Variants in WDR25 observed in about 807,000 individuals in gnomAD.
WDR25 encodes WD repeat-containing protein 25.
A neutral mutation model predicts 47.7 loss-of-function variants in WDR25; 35 were observed. The observed-to-expected ratio is 0.73, with a 90% CI of 0.56 to 0.97. WDR25 has a LOEUF of 0.97. Among genes scored for constraint, WDR25 ranks in the 50% least tolerant of loss-of-function variants. The pLI is 0.00. For synonymous variants in WDR25, 248 were observed against 278.9 expected, an observed-to-expected ratio of 0.89 and a Z score of 1.10; for missense variants, 634 against 704.7, an observed-to-expected ratio of 0.90 and a Z score of 1.14.
At position 100,468,189 on chromosome 14, in the gene WDR25, C is replaced by T; in HGVS notation, c.970+21C>T. 6.2e-7 allele frequency: 1 copy of T among 1,602,222 alleles called. No homozygotes were observed. Among genetic ancestry groups the T allele is most frequent in the Non-Finnish European group, 8.5e-7 (1 of 1,173,088 alleles). ...AACAGGTGCGTTTCTTGTGTCACCT[C>T]CCTGAGGTGAGCTGGCAGCTCTCTC... On this transcript the variant is annotated intron_variant, in intron 3 of 6. Coordinates refer to ENST00000402312, the MANE Select transcript of WDR25 (RefSeq NM_001161476.3). This position sits in a 1 kb window ranked among gnomAD's most constrained non-coding sequence, Gnocchi z 4.5.
intron 2 of WDR25, among the ~76,000 whole-genome samples, chr14:100,403,934 A>G (rs1475521501): frequency 6.6e-6 from 1 of 152,228 alleles, no homozygotes; most frequent in Non-Finnish European, 1.5e-5. Context: ...ACTGCCAAAC[A>G]GAGCATTAAG....
intron 5 of WDR25, among the ~76,000 whole-genome samples, chr14:100,527,591 C>T (rs943076197): frequency 7.2e-5 from 11 of 152,232 alleles, no homozygotes; most frequent in African/African-American, 1.9e-4. Context: ...ACCCATTGGG[C>T]AGGACAGGCC....
At chr14:100,390,284 T>C (rs908014518) in intron 2 of WDR25, among the ~76,000 whole-genome samples, 3 of 152,192 alleles carry the variant, frequency 2.0e-5, no homozygotes, top group African/African-American at 7.2e-5. Flanking sequence ...CTCTTTCTTA[T>C]CTCCTTTGGT....
intron 2 of WDR25, among the ~76,000 whole-genome samples, chr14:100,397,880 C>A (rs572552608): frequency 6.6e-6 from 1 of 152,326 alleles, no homozygotes; most frequent in South Asian, 2.1e-4. Context: ...GCTCTGTCGC[C>A]TAGGCTGGAG....
intron 2 of WDR25, among the ~76,000 whole-genome samples, chr14:100,434,644 T>A (rs926601767): frequency 3.9e-5 from 6 of 152,176 alleles, no homozygotes; most frequent in Admixed American, 3.3e-4. Flanking sequence ...TTCTCTTCCC[T>A]CCCTTTTGTG....
At chr14:100,495,668 G>A (rs1476935226) in intron 4 of WDR25, among the ~76,000 whole-genome samples, 1 of 152,188 alleles carries the variant, frequency 6.6e-6, no homozygotes, top group African/African-American at 2.4e-5. Context: ...AGTTTTGGGG[G>A]CAGTGGTTTG....
chr14:100,450,267 C>T (rs894220607), intron 2 of WDR25, among the ~76,000 whole-genome samples: 1 of 152,210 alleles, frequency 6.6e-6, no homozygotes, highest in Non-Finnish European at 1.5e-5. Context: ...GCCAGTCCCC[C>T]AGGCTGTGTG....
intron 3 of WDR25, among the ~76,000 whole-genome samples, chr14:100,477,641 T>C (rs569283743): frequency 6.8e-4 from 104 of 152,338 alleles, no homozygotes; most frequent in African/African-American, 2.4e-3. Flanking sequence ...CTGGCACAGC[T>C]AGTGTTCATG....
chr14:100,402,455 G>C (rs1485279553), intron 2 of WDR25, among the ~76,000 whole-genome samples: 1 of 152,152 alleles, frequency 6.6e-6, no homozygotes, highest in Admixed American at 6.5e-5. Context: ...CTTTTGCAAG[G>C]TTATTGTCAT....
chr14:100,419,526 A>G (rs1426915883), intron 2 of WDR25, among the ~76,000 whole-genome samples: 1 of 152,194 alleles, frequency 6.6e-6, no homozygotes, highest in Non-Finnish European at 1.5e-5. Flanking sequence ...ATTCTATGGT[A>G]ATGTCTTTGG....
intron 2 of WDR25, among the ~76,000 whole-genome samples, chr14:100,417,575 T>TC (rs1300587208): frequency 9.9e-5 from 15 of 152,116 alleles, no homozygotes; most frequent in African/African-American, 3.4e-4. Flanking sequence ...GTCACCTTCC[T>TC]CCTCCAGGGA....
Position 100,525,975 on chromosome 14 carries a change from G to T in WDR25, c.1207G>T (p.Ala403Ser). 1 of 1,614,080 alleles carries T rather than the reference G, an allele frequency of 6.2e-7. No homozygotes were observed. The highest frequency in any genetic ancestry group is 8.5e-7 in the Non-Finnish European group (1 of 1,179,976). Residue 403 changes from alanine (A) to serine (S), a missense_variant, in exon 5 of 7, where the codon GCT becomes TCT. Physicochemically the swap from Ala to Ser is moderately conservative, Grantham distance 99. Coordinates refer to ENST00000402312, the MANE Select transcript of WDR25 (RefSeq NM_001161476.3). This position sits in a 1 kb window ranked among gnomAD's most constrained non-coding sequence, Gnocchi z 4.6. ...SSTDASTRDS[A>S]DRTIIAWDFR... is the part of the protein sequence containing the mutation. ...CACAGACGCTTCCACCCGGGACTCA[G>T]CTGACCGCACCATTATTGCCTGGGA...
chr14:100,489,573 A>T (rs1173882467), intron 4 of WDR25, among the ~76,000 whole-genome samples: 4 of 152,212 alleles, frequency 2.6e-5, no homozygotes, highest in African/African-American at 9.7e-5. Context: ...TGGAACCCCA[A>T]CCTCAGCAAA....
At chr14:100,385,340 CTT>C (rs1164929104) in intron 2 of WDR25, among the ~76,000 whole-genome samples, 1 of 152,154 alleles carries the variant, frequency 6.6e-6, no homozygotes, top group Non-Finnish European at 1.5e-5. Flanking sequence ...CACAGTAAGA[CTT>C]AATATAAGCA....
intron 4 of WDR25, among the ~76,000 whole-genome samples, chr14:100,504,227 C>A (rs1233822384): frequency 1.3e-5 from 2 of 152,170 alleles, no homozygotes; most frequent in Non-Finnish European, 2.9e-5. Context: ...TTAATATCAT[C>A]CACTCTCTAA....
intron 4 of WDR25, among the ~76,000 whole-genome samples, chr14:100,512,001 A>G (rs1479374750): frequency 2.0e-5 from 3 of 152,096 alleles, no homozygotes; most frequent in Non-Finnish European, 4.4e-5. Flanking sequence ...GAATTATATC[A>G]GCTAAAGTTG....
chr14:100,467,402 G>A (rs1036247012), intron 2 of WDR25, among the ~76,000 whole-genome samples: 4 of 152,214 alleles, frequency 2.6e-5, no homozygotes, highest in Admixed American at 2.0e-4. Context: ...GGATAGGGTT[G>A]TGAATGCTGA....
At position 100,425,913 on chromosome 14, in the gene WDR25, G is replaced by T. The variant is rs962742890; in HGVS notation, c.823-42108G>T. Among the ~76,000 whole-genome samples, 2 of 152,198 alleles carry T rather than the reference G, an allele frequency of 1.3e-5. No individual in the cohort carries two copies. The highest frequency in any genetic ancestry group is 2.9e-5 in the Non-Finnish European group (2 of 68,042). ...AGGCAAGGGGTATTCAGTGGGGCCA[G>T]GGCGAGACCCTGGGCCTTGCGAGGA... On this transcript the variant is annotated intron_variant, in intron 2 of 6. Coordinates refer to ENST00000402312, the MANE Select transcript of WDR25 (RefSeq NM_001161476.3). The surrounding 1 kb of genome is among the most constrained non-coding windows in gnomAD (Gnocchi z 4.8).
In WDR25 at chr14:100,521,362, A is replaced by G. The variant is rs1262259892; in HGVS notation, c.1102-4508A>G. Among the ~76,000 whole-genome samples the G allele has an allele frequency of 2.6e-5, 4 of 152,152 alleles. No individual in the cohort carries two copies. In the East Asian group the frequency reaches 5.8e-4, roughly 22 times the overall value. The stretch of plus-strand genomic sequence containing the variant: ...CAAGGTACATTTCGAGAAATCATCC[A>G]TGTTCCACCTCTAACCCTGTCTCCC... On this transcript the variant is annotated intron_variant, in intron 4 of 6. Coordinates refer to ENST00000402312, the MANE Select transcript of WDR25 (RefSeq NM_001161476.3).
Sources: allele counts gnomAD v4.1 joint callset (sites outside exome capture counted in the v4.1 genomes callset), GRCh38; gene constraint gnomAD v4.1.1; non-coding constraint Gnocchi (gnomAD v3.1); transcripts MANE v1.5; gene names NCBI Gene and HGNC (gene_info 2026-07-23, HGNC 2026-07-21).